SUPT3H: variants seen among roughly 807,000 people sequenced by gnomAD.
SUPT3H encodes the protein transcription initiation protein SPT3 homolog.
In SUPT3H, 44 loss-of-function variants were observed where a neutral mutation model predicts 44.3. The ratio of observed to expected loss-of-function variants is 0.99; its 90% CI spans 0.78 to 1.28. SUPT3H has a LOEUF of 1.28. Ranked by LOEUF, SUPT3H falls within the 50% of genes most tolerant of loss-of-function variation. SUPT3H has a pLI of 0.00. For missense variants in SUPT3H, 380 were observed against 387.1 expected, an observed-to-expected ratio of 0.98 and a Z score of 0.15; for synonymous variants, 124 against 125.6, an observed-to-expected ratio of 0.99 and a Z score of 0.09.
intron 2 of SUPT3H, among the ~76,000 whole-genome samples, chr6:45,325,780 A>AT (rs1180077569): frequency 1.3e-5 from 2 of 151,930 alleles, no homozygotes; most frequent in African/African-American, 4.8e-5. Context: ...GCTATTTCTA[A>AT]TGAAACACAC....
intron 2 of SUPT3H, among the ~76,000 whole-genome samples, chr6:45,336,681 C>T (rs1408820680): frequency 6.6e-6 from 1 of 151,114 alleles, no homozygotes; most frequent in African/African-American, 2.4e-5. Context: ...TCCTGTGCTC[C>T]AAGAAATACT....
intron 2 of SUPT3H, among the ~76,000 whole-genome samples, chr6:45,124,655 A>T (rs1193460468): frequency 6.6e-6 from 1 of 151,912 alleles, no homozygotes; most frequent in Non-Finnish European, 1.5e-5. Flanking sequence ...AAAAAGAAAG[A>T]AAAATTATAC....
intron 2 of SUPT3H, among the ~76,000 whole-genome samples, chr6:45,158,298 A>ATATATTTTTTTT: frequency 2.0e-5 from 2 of 99,694 alleles, no homozygotes; most frequent in African/African-American, 5.0e-5. Flanking sequence ...ATATATATAT[A>ATATATTTTTTTT]TTTTTTTTTT....
rs142737537 is a variant in SUPT3H at position 44,941,062 on chromosome 6, A to G, written c.802-8299T>C. Among the ~76,000 whole-genome samples, 4 of 152,142 alleles carry G rather than the reference A, an allele frequency of 2.6e-5. No homozygotes were observed. In the East Asian group the frequency reaches 7.7e-4, roughly 29 times the overall value. ...GTGGAGCATTTAATCCATTTATGTC[A>G]TGGTTAATATTGATAAGTGAGGTTT... is the stretch of plus-strand genomic sequence containing the variant. On this transcript the variant is annotated intron_variant, in intron 9 of 10. Transcript: ENST00000371459.
intron 2 of SUPT3H, among the ~76,000 whole-genome samples, chr6:45,336,561 G>A (rs1788586926): frequency 1.3e-5 from 2 of 151,220 alleles, no homozygotes; most frequent in South Asian, 4.2e-4. Context: ...CAAAATACTT[G>A]GCTTAAATTG....
chr6:45,099,172 CT>C, intron 3 of SUPT3H: 1 of 283,692 alleles, frequency 3.5e-6, no homozygotes, highest in South Asian at 3.5e-5. Context: ...TGGGACCACC[CT>C]TTCCTTTCAT....
intron 2 of SUPT3H, among the ~76,000 whole-genome samples, chr6:45,252,247 G>A (rs183414312): frequency 6.6e-6 from 1 of 152,252 alleles, no homozygotes; most frequent in African/African-American, 2.4e-5. Context: ...GTTTGTCCAA[G>A]GTCACAGTTC....
chr6:44,913,090 C>G (rs555189963), intron 10 of SUPT3H, among the ~76,000 whole-genome samples: 1 of 152,282 alleles, frequency 6.6e-6, no homozygotes, highest in South Asian at 2.1e-4. Context: ...GAAAAAGAGG[C>G]TTCAGAGAAT....
intron 5 of SUPT3H, among the ~76,000 whole-genome samples, chr6:45,007,107 G>A (rs1186492755): frequency 3.3e-5 from 5 of 152,080 alleles, no homozygotes; most frequent in Non-Finnish European, 1.5e-5. Flanking sequence ...CTCATGAATC[G>A]ATAAATATGA....
chr6:44,892,625 A>G (rs1484492681), intron 10 of SUPT3H, among the ~76,000 whole-genome samples: 2 of 152,226 alleles, frequency 1.3e-5, no homozygotes, highest in African/African-American at 4.8e-5. Context: ...CAGTACATGC[A>G]GAATTTGAAT....
intron 3 of SUPT3H, among the ~76,000 whole-genome samples, chr6:45,038,061 G>C (rs1441038605): frequency 6.6e-6 from 1 of 152,124 alleles, no homozygotes; most frequent in Admixed American, 6.6e-5. Flanking sequence ...GTAAAATGTT[G>C]TATTAGATGG....
chr6:45,203,355 G>C (rs1038350645), intron 2 of SUPT3H, among the ~76,000 whole-genome samples: 1 of 152,116 alleles, frequency 6.6e-6, no homozygotes, highest in Non-Finnish European at 1.5e-5. Flanking sequence ...GTACCTAAAT[G>C]ATCACCAATT....
intron 2 of SUPT3H, among the ~76,000 whole-genome samples, chr6:45,142,736 CAAAAAAAA>C (rs70993502): frequency 5.3e-4 from 8 of 14,966 alleles, no homozygotes; most frequent in Non-Finnish European, 6.8e-4. Context: ...AACTCCGTCT[CAAAAAAAA>C]AAAAAAAAAA....
intron 2 of SUPT3H, among the ~76,000 whole-genome samples, chr6:45,182,134 G>GTTCATAC: frequency 6.6e-6 from 1 of 152,150 alleles, no homozygotes; most frequent in Non-Finnish European, 1.5e-5. Flanking sequence ...ATAATAGAAG[G>GTTCATAC]AGCTGATGCC....
intron 10 of SUPT3H, among the ~76,000 whole-genome samples, chr6:44,887,043 G>C (rs186835093): frequency 1.6e-4 from 25 of 152,154 alleles, no homozygotes; most frequent in Admixed American, 1.2e-3. Context: ...AATGGTAAAG[G>C]GATCAATACA....
At chr6:44,817,999 A>G (rs542096540) in intron 11 of SUPT3H, among the ~76,000 whole-genome samples, 96 of 152,288 alleles carry the variant, frequency 6.3e-4, no homozygotes, top group African/African-American at 2.3e-3. Flanking sequence ...TAAAATATGC[A>G]AAGCAATTTT....
chr6:45,020,065 G>A (rs182927739), intron 4 of SUPT3H, among the ~76,000 whole-genome samples: 2 of 151,950 alleles, frequency 1.3e-5, no homozygotes, highest in East Asian at 3.9e-4. Flanking sequence ...TATGGCATAT[G>A]TTTATCCCAC....
chr6:44,944,781 A>AAAAAAAAAAAAAAAAG (rs1185186363), intron 9 of SUPT3H, among the ~76,000 whole-genome samples: 1 of 136,956 alleles, frequency 7.3e-6, no homozygotes, highest in Admixed American at 7.2e-5. Context: ...AAAAAAAAAA[A>AAAAAAAAAAAAAAAAG]AAAAGAAAAG....
chr6:44,996,393 G>C (rs1161960562), intron 6 of SUPT3H, among the ~76,000 whole-genome samples: 3 of 151,682 alleles, frequency 2.0e-5, no homozygotes, highest in Non-Finnish European at 4.4e-5. Context: ...GATACTGATA[G>C]TTTTGTCATA....
Sources: gnomAD v4.1 joint callset for allele counts (sites outside exome capture counted in the v4.1 genomes callset) on GRCh38, gnomAD v4.1.1 for gene constraint, MANE v1.5 for transcripts, NCBI Gene and HGNC (gene_info 2026-07-23, HGNC 2026-07-21) for gene names.